The following UGT1A4 variants were observed in gnomAD, a reference collection of about 807,000 sequenced individuals.
UGT1A4 encodes UDP-glucuronosyltransferase 1A4.
In UGT1A4, 32 loss-of-function variants were observed where a neutral mutation model predicts 41.1. The observed-to-expected ratio is 0.78, with a 90% CI of 0.59 to 1.05. The LOEUF is 1.05. UGT1A4 is among the 50% of genes least tolerant of loss of function. The pLI, the probability that UGT1A4 is intolerant of heterozygous loss-of-function variation, is 0.00. For synonymous variants in UGT1A4, 283 were observed against 265.1 expected (o/e 1.07, Z -0.66); for missense variants, 748 against 677.4 (o/e 1.10, Z -1.16).
chr2:233,759,589 C>T (rs1019080455), intron 1 of UGT1A4, among the ~76,000 whole-genome samples: 2 of 147,434 alleles, frequency 1.4e-5, no homozygotes, highest in Non-Finnish European at 3.0e-5. Flanking sequence ...CAGCACGCCC[C>T]CCACCCCCGA....
At chr2:233,719,982 G>A (rs2076818942) in intron 1 of UGT1A4, among the ~76,000 whole-genome samples, 1 of 152,176 alleles carries the variant, frequency 6.6e-6, no homozygotes, top group South Asian at 2.1e-4. Flanking sequence ...AGCTCGGCAG[G>A]ATCAGGGACA....
intron 1 of UGT1A4, among the ~76,000 whole-genome samples, chr2:233,726,193 G>A (rs2077515288): frequency 6.6e-6 from 1 of 152,108 alleles, no homozygotes; most frequent in Admixed American, 6.5e-5. Flanking sequence ...TTTGGCATAT[G>A]GAAATCTTGT....
At chr2:233,724,365 G>A (rs1424941561) in intron 1 of UGT1A4, among the ~76,000 whole-genome samples, 1 of 148,100 alleles carries the variant, frequency 6.8e-6, no homozygotes, top group African/African-American at 2.5e-5. Flanking sequence ...CTCCCGGACG[G>A]GGTGGCTGCC....
chr2:233,720,704 C>CT (rs796417980), intron 1 of UGT1A4, among the ~76,000 whole-genome samples: 446 of 139,112 alleles, frequency 3.2e-3, no homozygotes, highest in South Asian at 5.2e-3. Context: ...GGGAGCCATC[C>CT]TTTTTTTTTT....
chr2:233,761,222 C>T, intron 1 of UGT1A4: 1 of 1,613,374 alleles, frequency 6.2e-7, no homozygotes, highest in Admixed American at 1.7e-5. Flanking sequence ...GATTAACTAG[C>T]CCCAGATATA....
chr2:233,772,325 C>A lies in UGT1A4; in HGVS notation c.1371C>A (p.Asp457Glu). 6.2e-7 allele frequency: 1 copy of A among 1,614,136 alleles called. No homozygotes were observed. Among genetic ancestry groups the A allele is most frequent in the Non-Finnish European group, 8.5e-7 (1 of 1,180,020 alleles). ...AGGACCGCCCGGTGGAGCCGCTGGACCTGGCCGTGTTCTGGGTGGAGTTTG... is the reference window on the plus strand; with the variant it reads ...AGGACCGCCCGGTGGAGCCGCTGGAACTGGCCGTGTTCTGGGTGGAGTTTG... ...LHKDRPVEPL[D>E]LAVFWVEFVM... is the part of the protein sequence containing the mutation. Residue 457 changes from aspartate (D) to glutamate (E), a missense_variant, in exon 5 of 5, where the codon GAC (aspartate) becomes GAA (glutamate). Coordinates refer to ENST00000373409, the MANE Select transcript of UGT1A4 (RefSeq NM_007120.3).
intron 1 of UGT1A4, chr2:233,743,520 G>C (rs759007678): frequency 7.3e-7 from 1 of 1,367,248 alleles, no homozygotes; most frequent in South Asian, 1.1e-5. Context: ...CTCTGCTTCT[G>C]CTTCCCCAGC....
At chr2:233,724,735 G>C (rs978889272) in intron 1 of UGT1A4, among the ~76,000 whole-genome samples, 4 of 144,116 alleles carry the variant, frequency 2.8e-5, no homozygotes, top group Non-Finnish European at 4.5e-5. Flanking sequence ...AGGCAGAGGG[G>C]CTCCTCACAT....
rs1699582839 is a variant in UGT1A4, at chr2:233,768,178, C to CA, written c.1088-41dup. On this transcript the variant is annotated intron_variant, in intron 3 of 4. Transcript: ENST00000373409. ...CCTAGATGTGTCCAGCTGTGAAACTCAGAGATGTAACTGCTGACATCCTCC... is the reference window on the plus strand; with the variant it reads ...CCTAGATGTGTCCAGCTGTGAAACTCAAGAGATGTAACTGCTGACATCCTCC... 5.6e-6 allele frequency: 9 copies of CA among 1,613,764 alleles called. No individual in the cohort carries two copies. In the Admixed American group the frequency reaches 8.3e-5, roughly 15 times the overall value.
At chr2:233,759,288 G>A (rs1441627679) in intron 1 of UGT1A4, among the ~76,000 whole-genome samples, 1 of 152,182 alleles carries the variant, frequency 6.6e-6, no homozygotes, top group African/African-American at 2.4e-5. Context: ...GGTTGATGAA[G>A]CTGAGCCCTG....
chr2:233,772,754 T>C lies in UGT1A4; in HGVS notation c.*195T>C. On this transcript the variant is annotated 3_prime_UTR_variant, in exon 5 of 5. Transcript: ENST00000373409. ...GCTAGTCAGTAAAGATATTTGAATA[T>C]GTATCGTGCCCCCTCTGGTGTCTTT... 2 of 1,409,478 alleles carry C rather than the reference T, an allele frequency of 1.4e-6. No individual in the cohort carries two copies. Among genetic ancestry groups the C allele is most frequent in the Non-Finnish European group, 1.9e-6 (2 of 1,074,872 alleles). 87.3% of individuals were successfully genotyped at this position (1,409,478 alleles called of 1,614,324 possible).
At chr2:233,750,527 A>G (rs552056379) in intron 1 of UGT1A4, 33 of 152,112 alleles carry the variant, frequency 2.2e-4, no homozygotes, top group Admixed American at 4.6e-4. Flanking sequence ...ACAATGGGGA[A>G]AATGGCTTCA....
intron 1 of UGT1A4, among the ~76,000 whole-genome samples, chr2:233,723,472 A>G (rs1156962983): frequency 1.5e-5 from 2 of 137,344 alleles, no homozygotes; most frequent in African/African-American, 5.7e-5. Context: ...AGCCTCCCAA[A>G]GTGCTAGGAT....
At chr2:233,765,999 C>T (rs1036845415) in intron 1 of UGT1A4, among the ~76,000 whole-genome samples, 2 of 151,990 alleles carry the variant, frequency 1.3e-5, no homozygotes, top group Non-Finnish European at 1.5e-5. Flanking sequence ...CTCCAGTGGG[C>T]GTGGGTTATG....
At position 233,772,301 on chromosome 2, in the gene UGT1A4, G is replaced by A. The variant is rs1384880194; in HGVS notation, c.1347G>A (p.Lys449=). ...TCATGCGCCTCTCCAGCCTTCACAA[G>A]GACCGCCCGGTGGAGCCGCTGGACC... ...ENIMRLSSLH[K]DRPVEPLDLA... The change falls in exon 5 of 5, where the codon AAG becomes AAA. Residue 449 remains lysine (K), a synonymous_variant. Transcript: ENST00000373409. The A allele has an allele frequency of 3.7e-6, 6 of 1,614,106 alleles. No individual in the cohort carries two copies. The highest frequency in any genetic ancestry group is 5.1e-6 in the Non-Finnish European group (6 of 1,180,054).
Position 233,719,283 on chromosome 2 carries a change from A to C in UGT1A4, c.463A>C (p.Asn155His), listed in dbSNP as rs760908491. 2.2e-5 allele frequency: 35 copies of C among 1,613,936 alleles called. No individual in the cohort carries two copies. Among genetic ancestry groups the C allele is most frequent in the Admixed American group, 5.0e-5 (3 of 59,980 alleles). Reference protein sequence around the residue: ...SFDVVLTDPVNLCGAVLAKYL... With the variant: ...SFDVVLTDPVHLCGAVLAKYL... ...TGATGTGGTTTTAACAGACCCCGTT[A>C]ACCTCTGTGGGGCGGTGCTGGCTAA... is the stretch of plus-strand genomic sequence containing the variant. The change falls in exon 1 of 5, where the codon AAC becomes CAC. Residue 155 changes from asparagine (N) to histidine (H), a missense_variant. Transcript: ENST00000373409.
intron 1 of UGT1A4, among the ~76,000 whole-genome samples, chr2:233,744,592 A>ATC (rs938838610): frequency 2.6e-5 from 4 of 151,912 alleles, no homozygotes; most frequent in East Asian, 1.9e-4. Context: ...CAGTTTTTGC[A>ATC]TCTCTCTTTA....
chr2:233,720,513 G>C (rs2076864645), intron 1 of UGT1A4, among the ~76,000 whole-genome samples: 1 of 152,034 alleles, frequency 6.6e-6, no homozygotes, highest in Non-Finnish European at 1.5e-5. Context: ...AGGTGAAGCT[G>C]ATCATATCAC....
chr2:233,749,046 C>T (rs1190467042), intron 1 of UGT1A4, among the ~76,000 whole-genome samples: 1 of 151,734 alleles, frequency 6.6e-6, no homozygotes, highest in Non-Finnish European at 1.5e-5. Flanking sequence ...ATGTGGTACT[C>T]TGGGACCTGA....
Sources: gnomAD v4.1 joint callset for allele counts (sites outside exome capture counted in the v4.1 genomes callset) on GRCh38, gnomAD v4.1.1 for gene constraint, MANE v1.5 for transcripts, NCBI Gene and HGNC (gene_info 2026-07-23, HGNC 2026-07-21) for gene names.